The following CFAP92 variants were observed in gnomAD, a reference collection of about 807,000 sequenced individuals.
The protein encoded by CFAP92 is cilia and flagella associated protein 92 (putative), also known as uncharacterized protein CFAP92.
CFAP92 carries 86 observed loss-of-function variants against 106.3 expected under a neutral mutation model. The ratio of observed to expected loss-of-function variants is 0.81; its 90% CI spans 0.68 to 0.97. CFAP92 has a LOEUF of 0.97. CFAP92 is among the 50% of genes least tolerant of loss of function. The pLI is 0.00. For synonymous variants in CFAP92, 477 were observed against 506.4 expected (o/e 0.94, Z 0.78); for missense variants, 1,204 against 1,283.8 (o/e 0.94, Z 0.95).
intron 12 of CFAP92, among the ~76,000 whole-genome samples, chr3:128,925,202 GT>G (rs1479685376): frequency 6.6e-6 from 1 of 152,242 alleles, no homozygotes; most frequent in Non-Finnish European, 1.5e-5. Context: ...TATGGGCATG[GT>G]TTGGGGATGA....
Position 128,930,902 on chromosome 3 carries a change from TTTTG to T in CFAP92, c.2751+1794_2751+1797del, listed in dbSNP as rs368030488. Among the ~76,000 whole-genome samples the T allele has an allele frequency of 2.9e-3, 443 of 152,216 alleles. 1 individual carries two copies. The highest frequency in any genetic ancestry group is 8.9e-3 in the African/African-American group (370 of 41,530). ...AATACTCTCAACATTGTTTGACTTTTTTTGTTTGTTTGTTTTTTTGAGACAGGGT... is the reference window on the plus strand; with the variant it reads ...AATACTCTCAACATTGTTTGACTTTTTTTGTTTGTTTTTTTGAGACAGGGT... On this transcript the variant is annotated intron_variant, in intron 12 of 15. Transcript: ENST00000645291.
At chr3:128,981,842 T>C (rs1480264723) in intron 4 of CFAP92, among the ~76,000 whole-genome samples, 2 of 152,226 alleles carry the variant, frequency 1.3e-5, no homozygotes, top group African/African-American at 4.8e-5. Flanking sequence ...GCATTATCAA[T>C]GAGCAGTCAT....
At chr3:129,002,735 C>A (rs1335490962), upstream of CFAP92, 1 of 197,108 alleles carries the variant, frequency 5.1e-6, no homozygotes, top group Non-Finnish European at 1.0e-5. Flanking sequence ...TGAAGAAGGC[C>A]CTGTCCTCAC....
intron 4 of CFAP92, chr3:128,978,386 G>A (rs1943298530): frequency 2.2e-6 from 1 of 459,884 alleles, no homozygotes; most frequent in Non-Finnish European, 3.7e-6. Context: ...TATTAAGTGT[G>A]CAAAAGCATT....
intron 10 of CFAP92, among the ~76,000 whole-genome samples, chr3:128,938,639 G>T (rs1287887561): frequency 6.6e-6 from 1 of 151,638 alleles, no homozygotes; most frequent in Non-Finnish European, 1.5e-5. Flanking sequence ...GACTACAGGC[G>T]CCCACCACCA....
intron 12 of CFAP92, among the ~76,000 whole-genome samples, chr3:128,931,576 C>A: frequency 6.8e-6 from 1 of 147,578 alleles, no homozygotes; most frequent in African/African-American, 2.5e-5. Context: ...AATGAAATAG[C>A]CAACTAGAGA....
chr3:128,922,195 T>A (rs929499170), intron 12 of CFAP92, among the ~76,000 whole-genome samples: 6 of 151,500 alleles, frequency 4.0e-5, no homozygotes, highest in Non-Finnish European at 8.8e-5. Context: ...AAAAAAAAAT[T>A]AGCTGGGCAT....
At chr3:128,944,159 G>A (rs1009601428) in intron 10 of CFAP92, among the ~76,000 whole-genome samples, 7 of 151,172 alleles carry the variant, frequency 4.6e-5, no homozygotes, top group African/African-American at 1.7e-4. Flanking sequence ...TGAACTCCTG[G>A]GCTCAAGTGA....
chr3:128,994,209 C>T (rs887615388), upstream of CFAP92: 32 of 944,574 alleles, frequency 3.4e-5, no homozygotes, highest in African/African-American at 4.8e-4. Flanking sequence ...CCCTCAGCCA[C>T]TGCGCGCAGT....
chr3:129,001,491 G>T, intron 1 of CFAP92: 2 of 1,278,042 alleles, frequency 1.6e-6, no homozygotes, highest in South Asian at 2.3e-5. Flanking sequence ...GCAGCTGCTG[G>T]ACACGGTCCC....
At chr3:128,977,920 C>G (rs1188555155) in intron 5 of CFAP92, 125 bp downstream of exon 5, 11 of 1,219,322 alleles carry the variant, frequency 9.0e-6, no homozygotes, top group Non-Finnish European at 1.3e-5. Context: ...GTGAGCCCCG[C>G]CCGCCTCTGC....
At chr3:129,013,173 G>C in the CFAP92 span, among the ~76,000 whole-genome samples, 1 of 152,156 alleles carries the variant, frequency 6.6e-6, no homozygotes, top group African/African-American at 2.4e-5. Context: ...GGACACAAGG[G>C]GGTGGGCATC....
intron 15 of CFAP92, chr3:128,910,801 C>G (rs777218042): frequency 5.0e-6 from 8 of 1,614,074 alleles, no homozygotes; most frequent in Non-Finnish European, 6.8e-6. Context: ...CAGCCTCTCT[C>G]AGCTGGACAA....
chr3:129,001,631 G>A, intron 1 of CFAP92: 2 of 1,359,338 alleles, frequency 1.5e-6, no homozygotes, highest in South Asian at 1.8e-5. Context: ...GCGCAGCGAT[G>A]GAGCCGGTCA....
intron 10 of CFAP92, among the ~76,000 whole-genome samples, chr3:128,939,997 A>C (rs1939470896): frequency 6.6e-6 from 1 of 152,158 alleles, no homozygotes; most frequent in South Asian, 2.1e-4. Flanking sequence ...GCCTGTACTA[A>C]TCTACTTTCT....
the CFAP92 span, among the ~76,000 whole-genome samples, chr3:129,022,027 G>A: frequency 4.3e-4 from 65 of 152,340 alleles, no homozygotes; most frequent in Non-Finnish European, 7.5e-4. Flanking sequence ...GCCGGGGCAG[G>A]CGCAGAGCTC....
upstream of CFAP92, among the ~76,000 whole-genome samples, chr3:128,995,730 G>A (rs1425173972): frequency 1.3e-5 from 2 of 152,216 alleles, no homozygotes; most frequent in Non-Finnish European, 2.9e-5. Context: ...GGGCCAATGT[G>A]CCATCCTGGA....
intron 12 of CFAP92, among the ~76,000 whole-genome samples, chr3:128,930,453 C>A (rs1576419885): frequency 6.6e-6 from 1 of 151,842 alleles, no homozygotes; most frequent in Non-Finnish European, 1.5e-5. Context: ...CCTGGCCCTG[C>A]AAAATCTTTA....
At chr3:128,942,935 T>TAA in intron 10 of CFAP92, among the ~76,000 whole-genome samples, 1 of 148,058 alleles carries the variant, frequency 6.8e-6, no homozygotes, top group Non-Finnish European at 1.5e-5. Flanking sequence ...TTTTTTTTTT[T>TAA]TTTGAGACGG....
Sources: allele counts gnomAD v4.1 joint callset (sites outside exome capture counted in the v4.1 genomes callset), GRCh38; gene constraint gnomAD v4.1.1; transcripts MANE v1.5; gene names NCBI Gene and HGNC (gene_info 2026-07-23, HGNC 2026-07-21).